Variants in ZC3H7A observed in about 807,000 individuals in gnomAD.
The protein encoded by ZC3H7A is zinc finger CCCH domain-containing protein 7A.
A neutral mutation model predicts 125.5 loss-of-function variants in ZC3H7A; 44 were observed. The observed-to-expected ratio is 0.35, with a 90% CI of 0.28 to 0.45. The LOEUF (loss-of-function observed/expected upper bound fraction) is 0.45, where lower values mean the gene tolerates loss of function less well. ZC3H7A is among the 20% of genes least tolerant of loss of function. ZC3H7A has a pLI of 1.00. For missense variants in ZC3H7A, 977 were observed against 1,170.7 expected (o/e 0.83, Z 2.41); for synonymous variants, 399 against 391.2 (o/e 1.02, Z -0.23).
At position 11,763,401 on chromosome 16, in the gene ZC3H7A, G is replaced by T. The variant is rs149086574; in HGVS notation, c.2002+77C>A. 1.6e-5 allele frequency: 23 copies of T among 1,443,696 alleles called. No homozygotes were observed. The East Asian group carries it at 1.7e-4, about 11-fold the overall frequency. 89.4% of individuals were successfully genotyped at this position (1,443,696 alleles called of 1,614,324 possible). ...TGGGATTACAGGCATGAGCCACCAC[G>T]CCAGGCCCAAATTACTGTTTCATTA... On this transcript the variant is annotated intron_variant, in intron 16 of 22. Coordinates refer to ENST00000355758, the MANE Select transcript of ZC3H7A (RefSeq NM_014153.4).
In ZC3H7A at chr16:11,783,989, G is replaced by T. The variant is rs552978716; in HGVS notation, c.-34-1601C>A. On this transcript the variant is annotated intron_variant, in intron 1 of 22. Coordinates refer to ENST00000355758, the MANE Select transcript of ZC3H7A (RefSeq NM_014153.4). ...CTCCAGTAACAACAAAAAAGGGGGG[G>T]GCTGTGAGGTGGGGAGGAAACAGCA... Among the ~76,000 whole-genome samples the T allele has an allele frequency of 5.1e-5, 7 of 136,748 alleles. No homozygotes were observed. In the East Asian group the frequency reaches 1.3e-3, roughly 24 times the overall value. The allele number at this position is 136,748 out of a possible 152,430, so 89.7% of individuals were successfully genotyped here. A position where few individuals can be genotyped will look rare whatever the true frequency, so the allele number is the denominator to read the frequency against.
chr16:11,754,273 CAG>C (rs1384933950), intron 21 of ZC3H7A, among the ~76,000 whole-genome samples: 1 of 109,558 alleles, frequency 9.1e-6, no homozygotes, highest in Non-Finnish European at 1.7e-5. Flanking sequence ...GCCTGGATGA[CAG>C]AGTGAGACCC....
At chr16:11,779,026 T>A (rs1316336055) in intron 4 of ZC3H7A, 140 bp downstream of exon 4, 1 of 761,502 alleles carries the variant, frequency 1.3e-6, no homozygotes. Context: ...CAAAGCTAAT[T>A]TTTAAAAGCC....
intron 3 of ZC3H7A, 75 bp downstream of exon 3, chr16:11,781,350 T>C: frequency 6.8e-7 from 1 of 1,467,340 alleles, no homozygotes; most frequent in South Asian, 1.3e-5. Flanking sequence ...GGCCATCATT[T>C]GCCAACCCCT....
At chr16:11,780,654 C>G (rs1461519612) in intron 3 of ZC3H7A, among the ~76,000 whole-genome samples, 2 of 152,082 alleles carry the variant, frequency 1.3e-5, no homozygotes, top group Non-Finnish European at 2.9e-5. Flanking sequence ...ATTTCTGGCT[C>G]TAATACTTTT....
chr16:11,777,265 G>A (rs2053096391), intron 4 of ZC3H7A, among the ~76,000 whole-genome samples: 1 of 152,062 alleles, frequency 6.6e-6, no homozygotes, highest in South Asian at 2.1e-4. Flanking sequence ...ACATTAAGAT[G>A]TCAAACAGAA....
chr16:11,770,590 G>A (rs1339892519), intron 10 of ZC3H7A, among the ~76,000 whole-genome samples, 193 bp downstream of exon 10: 1 of 152,156 alleles, frequency 6.6e-6, no homozygotes, highest in East Asian at 1.9e-4. Flanking sequence ...TCATGCCTTT[G>A]CTCCTGGGTC....
intron 7 of ZC3H7A, 119 bp downstream of exon 7, chr16:11,776,201 G>A (rs2053077453): frequency 7.4e-6 from 7 of 945,398 alleles, no homozygotes; most frequent in Non-Finnish European, 1.1e-5. Context: ...TGCCAATTAC[G>A]TGTTTGAGGA....
chr16:11,751,274 T>C lies in ZC3H7A; in HGVS notation c.*43A>G. The stretch of plus-strand genomic sequence containing the variant: ...TGCCTCAGAACACTTTCAATTTTTC[T>C]GGTCAATGCTCTGATTAGGTATCAT... On this transcript the variant is annotated 3_prime_UTR_variant, in exon 23 of 23. Transcript: ENST00000355758. 6.5e-7 allele frequency: 1 copy of C among 1,550,174 alleles called. No individual in the cohort carries two copies. The highest frequency in any genetic ancestry group is 8.7e-7 in the Non-Finnish European group (1 of 1,146,914).
intron 9 of ZC3H7A, among the ~76,000 whole-genome samples, chr16:11,772,759 T>C (rs1302888218): frequency 6.6e-6 from 1 of 151,110 alleles, no homozygotes; most frequent in Non-Finnish European, 1.5e-5. Flanking sequence ...TGCAGTGGCA[T>C]GATCTTGGTT....
intron 9 of ZC3H7A, 90 bp from the exon 10 acceptor site, chr16:11,771,077 T>C (rs1476450357): frequency 1.6e-6 from 2 of 1,252,452 alleles, no homozygotes; most frequent in Non-Finnish European, 2.2e-6. Context: ...AAAAGCATTA[T>C]TACACTGGGA....
intron 15 of ZC3H7A, among the ~76,000 whole-genome samples, chr16:11,763,911 C>T (rs943580773): frequency 6.7e-6 from 1 of 150,276 alleles, no homozygotes; most frequent in Non-Finnish European, 1.5e-5. Context: ...TCACACCATT[C>T]TCCTGCCTCA....
chr16:11,762,282 T>C (rs11861698), intron 17 of ZC3H7A, among the ~76,000 whole-genome samples: 10,846 of 152,164 alleles, frequency 0.071, 519 homozygotes, highest in East Asian at 0.18. Flanking sequence ...ATCTTTGAAA[T>C]TGATGACTAG....
Position 11,781,466 on chromosome 16 carries a change from T to C in ZC3H7A, c.69-2A>G. 6.2e-7 allele frequency: 1 copy of C among 1,603,244 alleles called. No individual in the cohort carries two copies. ...GTTCCTGGATATGACAGCGGTGACC[T>C]AAGAAGAAGAAACAAATTAACTGTA... On this transcript the variant is annotated splice_acceptor_variant, in intron 2 of 22. Coordinates refer to ENST00000355758, the MANE Select transcript of ZC3H7A (RefSeq NM_014153.4). LOFTEE classifies it high-confidence loss of function.
chr16:11,776,176 G>C, intron 7 of ZC3H7A, 144 bp downstream of exon 7: 2 of 736,654 alleles, frequency 2.7e-6, no homozygotes, highest in Non-Finnish European at 4.3e-6. Flanking sequence ...AATAAATAAA[G>C]TGACAGGAGG....
chr16:11,788,750 G>A (rs6498243), intron 1 of ZC3H7A, among the ~76,000 whole-genome samples: 82,358 of 151,002 alleles, frequency 0.55, 24,680 homozygotes, highest in East Asian at 0.81. Flanking sequence ...AGTATCTGGG[G>A]TTACAGGTAC....
chr16:11,775,619 T>G (rs1302610127), intron 7 of ZC3H7A: 1 of 152,038 alleles, frequency 6.6e-6, no homozygotes, highest in African/African-American at 2.4e-5. Flanking sequence ...CAACTCACAA[T>G]AGCCATTAGC....
At position 11,791,945 on chromosome 16, in the gene ZC3H7A, T is replaced by C. The variant is rs548548378; in HGVS notation, c.-35+5179A>G. Among the ~76,000 whole-genome samples the C allele has an allele frequency of 1.6e-3, 240 of 152,366 alleles. 1 individual carries two copies. The highest frequency in any genetic ancestry group is 6.2e-4 in the South Asian group (3 of 4,824). Reference sequence around the variant, plus strand: ...TTTTGTCTTTGAGACAGTGTCTCCCTGTGTTGCCCAGGCTGCAGTACAGTG... The same window carrying C: ...TTTTGTCTTTGAGACAGTGTCTCCCCGTGTTGCCCAGGCTGCAGTACAGTG... On this transcript the variant is annotated intron_variant, in intron 1 of 22. Coordinates refer to ENST00000355758, the MANE Select transcript of ZC3H7A (RefSeq NM_014153.4).
chr16:11,755,636 G>A (rs2052631610), intron 21 of ZC3H7A, among the ~76,000 whole-genome samples: 1 of 152,116 alleles, frequency 6.6e-6, no homozygotes, highest in Non-Finnish European at 1.5e-5. Flanking sequence ...AATCCATCAG[G>A]ACAACCCCAC....
Sources: allele counts gnomAD v4.1 joint callset (sites outside exome capture counted in the v4.1 genomes callset), GRCh38; gene constraint gnomAD v4.1.1; transcripts MANE v1.5; gene names NCBI Gene and HGNC (gene_info 2026-07-23, HGNC 2026-07-21).